Variants in G2E3 observed in about 807,000 individuals in gnomAD.
The protein encoded by G2E3 is G2/M phase-specific E3 ubiquitin-protein ligase.
A neutral mutation model predicts 92.8 loss-of-function variants in G2E3; 35 were observed. The observed-to-expected ratio is 0.38, with a 90% CI of 0.29 to 0.50. G2E3 has a LOEUF of 0.50. G2E3 is among the 20% of genes least tolerant of loss of function. The pLI, the probability that G2E3 is intolerant of heterozygous loss-of-function variation, is 0.94. For synonymous variants in G2E3, 242 were observed against 272.4 expected (o/e 0.89, Z 1.10); for missense variants, 554 against 823.8 (o/e 0.67, Z 4.01).
At chr14:30,599,052 T>G (rs1881431006) in intron 8 of G2E3, among the ~76,000 whole-genome samples, 2 of 152,200 alleles carry the variant, frequency 1.3e-5, no homozygotes, top group Non-Finnish European at 2.9e-5. Context: ...GGTTTGGTTT[T>G]TTCTGAGGCC....
At chr14:30,563,695 TTGTGTGTGTGTGTGTGTG>T (rs56029424) in intron 1 of G2E3, among the ~76,000 whole-genome samples, 28 of 141,184 alleles carry the variant, frequency 2.0e-4, no homozygotes, top group Non-Finnish European at 3.2e-4. Flanking sequence ...TTTGTTACTT[TTGTGTGTGTGTGTGTGTG>T]TGTGTGTGTG....
At chr14:30,594,692 CA>C (rs959599969) in intron 6 of G2E3, among the ~76,000 whole-genome samples, 72 of 131,612 alleles carry the variant, frequency 5.5e-4, no homozygotes, top group Admixed American at 6.1e-4. Context: ...GACTCCATCT[CA>C]AAAAAAAAAA....
chr14:30,574,647 C>T (rs571856073), intron 1 of G2E3: 1 of 152,272 alleles, frequency 6.6e-6, no homozygotes, highest in South Asian at 2.1e-4. Flanking sequence ...TATCATTTAG[C>T]TCCCACTTAC....
At chr14:30,604,300 A>G (rs1053761227) in intron 10 of G2E3, among the ~76,000 whole-genome samples, 2 of 152,260 alleles carry the variant, frequency 1.3e-5, no homozygotes, top group African/African-American at 4.8e-5. Flanking sequence ...GAAAAAAGAA[A>G]AAGCAAAACC....
At chr14:30,587,659 T>C (rs1022207903) in intron 3 of G2E3, among the ~76,000 whole-genome samples, 4 of 152,158 alleles carry the variant, frequency 2.6e-5, no homozygotes, top group Admixed American at 1.3e-4. Flanking sequence ...GGCTCTGTCA[T>C]GTGGCTTTTG....
chr14:30,589,517 A>G (rs1880892133), intron 4 of G2E3, 33 bp downstream of exon 4: 4 of 1,059,626 alleles, frequency 3.8e-6, no homozygotes, highest in Admixed American at 3.8e-5. Context: ...AAGTAATGTC[A>G]TAAATATTGT....
Position 30,591,748 on chromosome 14 carries a change from C to T in G2E3, c.238-575C>T, listed in dbSNP as rs554180433. On this transcript the variant is annotated intron_variant, in intron 4 of 14. Coordinates refer to ENST00000206595, the MANE Select transcript of G2E3 (RefSeq NM_017769.5). ...CCTAAATCCAGGATGATCTCAAGAT[C>T]CTTAACTTAATTACATCTGCAAAGA... Among the ~76,000 whole-genome samples, 234 of 152,264 alleles carry T rather than the reference C, an allele frequency of 1.5e-3. 2 individuals carry two copies. The highest frequency in any genetic ancestry group is 1.9e-3 in the Non-Finnish European group (126 of 68,006).
intron 8 of G2E3, among the ~76,000 whole-genome samples, chr14:30,600,987 C>T (rs535358266): frequency 2.6e-5 from 4 of 152,278 alleles, no homozygotes; most frequent in African/African-American, 7.2e-5. Context: ...TTTCTTCCTC[C>T]GCACTGTTGT....
rs146200299 is a variant in G2E3 at position 30,598,820 on chromosome 14, A to G, written c.752+221A>G. ...TTCTCTGTTGTCTTATCACGAGACT[A>G]TTTTCTAGAGCCACACTGTCCTATC... On this transcript the variant is annotated intron_variant, in intron 8 of 14. Coordinates refer to ENST00000206595, the MANE Select transcript of G2E3 (RefSeq NM_017769.5). Among the ~76,000 whole-genome samples, 196 of 152,210 alleles carry G rather than the reference A, an allele frequency of 1.3e-3. 1 individual carries two copies. The highest frequency in any genetic ancestry group is 4.1e-3 in the African/African-American group (171 of 41,530).
intron 3 of G2E3, among the ~76,000 whole-genome samples, chr14:30,587,367 T>C (rs1880769063): frequency 6.6e-6 from 1 of 152,178 alleles, no homozygotes; most frequent in East Asian, 1.9e-4. Context: ...ATTTCTCACC[T>C]CACTGAATTC....
chr14:30,560,905 G>T, intron 1 of G2E3: 1 of 669,180 alleles, frequency 1.5e-6, no homozygotes, highest in Middle Eastern at 2.4e-4. Context: ...GCATTATAAT[G>T]TGTTGATTAA....
At chr14:30,566,653 A>G (rs1032878799) in intron 1 of G2E3, among the ~76,000 whole-genome samples, 4 of 152,232 alleles carry the variant, frequency 2.6e-5, no homozygotes, top group African/African-American at 9.6e-5. Flanking sequence ...GAAATTCTAC[A>G]TATAAGATCA....
At chr14:30,603,152 C>G (rs1272286476) in intron 10 of G2E3, among the ~76,000 whole-genome samples, 1 of 151,786 alleles carries the variant, frequency 6.6e-6, no homozygotes, top group African/African-American at 2.4e-5. Context: ...ATGGTGAAAC[C>G]CCGTCTCTAT....
intron 4 of G2E3, among the ~76,000 whole-genome samples, chr14:30,590,192 A>T (rs576364059): frequency 6.6e-6 from 1 of 152,204 alleles, no homozygotes; most frequent in African/African-American, 2.4e-5. Context: ...GGCATTAATG[A>T]TTTTCATGGG....
At chr14:30,560,747 T>G (rs1879046318) in intron 1 of G2E3, 1 of 700,062 alleles carries the variant, frequency 1.4e-6, no homozygotes, top group Non-Finnish European at 2.6e-6. Context: ...CTTGAAGGAT[T>G]TGTTCAACAA....
intron 11 of G2E3, 123 bp from the exon 12 acceptor site, chr14:30,607,764 TG>T: frequency 1.9e-6 from 1 of 528,876 alleles, no homozygotes. Flanking sequence ...TTCTACATAA[TG>T]ATAGCTTCTA....
chr14:30,565,030 T>C (rs1253351517), intron 1 of G2E3, among the ~76,000 whole-genome samples: 3 of 152,242 alleles, frequency 2.0e-5, no homozygotes, highest in Admixed American at 1.3e-4. Flanking sequence ...TAGTCTTGTT[T>C]AATGTGTTGT....
intron 10 of G2E3, 40 bp downstream of exon 10, chr14:30,602,171 T>G (rs755899530): frequency 1.4e-6 from 2 of 1,479,846 alleles, no homozygotes; most frequent in African/African-American, 2.8e-5. Flanking sequence ...AAAATCTATT[T>G]GGAGAAAATT....
Position 30,616,483 on chromosome 14 carries a change from A to G in G2E3, c.2070A>G (p.Arg690=). 6.9e-6 allele frequency: 11 copies of G among 1,605,170 alleles called. No homozygotes were observed. The highest frequency in any genetic ancestry group is 9.4e-6 in the Non-Finnish European group (11 of 1,172,126). The change falls in exon 15 of 15, where the codon AGA becomes AGG. Residue 690 remains arginine (R), a synonymous_variant. Coordinates refer to ENST00000206595, the MANE Select transcript of G2E3 (RefSeq NM_017769.5). ...AAGAAAATATGGACTTCACCATAAG[A>G]AACACTCTAAGACTAGAAAAGGAAG... ...EFQENMDFTI[R]NTLRLEKEES...
Sources: allele counts gnomAD v4.1 joint callset (sites outside exome capture counted in the v4.1 genomes callset), GRCh38; gene constraint gnomAD v4.1.1; transcripts MANE v1.5; gene names NCBI Gene and HGNC (gene_info 2026-07-23, HGNC 2026-07-21).